The following SLC24A2 variants were observed in gnomAD, a reference collection of about 807,000 sequenced individuals.
The protein encoded by SLC24A2 is sodium/potassium/calcium exchanger 2.
SLC24A2 carries 36 observed loss-of-function variants against 62.0 expected under a neutral mutation model. The observed-to-expected ratio is 0.58, with a 90% confidence interval of 0.44 to 0.77. SLC24A2 has a LOEUF of 0.77. SLC24A2 is among the 30% of genes least tolerant of loss of function. The pLI is 0.00. For missense variants in SLC24A2, 846 were observed against 817.9 expected (o/e 1.03, Z -0.42); for synonymous variants, 358 against 294.0 (o/e 1.22, Z -2.23).
the SLC24A2 span, among the ~76,000 whole-genome samples, chr9:20,282,688 A>G: frequency 3.3e-5 from 5 of 152,362 alleles, no homozygotes; most frequent in East Asian, 9.6e-4. Context: ...GTATAAAGAA[A>G]TGATTTTATA....
the SLC24A2 span, among the ~76,000 whole-genome samples, chr9:20,140,753 C>A: frequency 6.6e-6 from 1 of 152,156 alleles, no homozygotes; most frequent in Non-Finnish European, 1.5e-5. Flanking sequence ...CCCCCCACTT[C>A]TCTCAAAAGG....
chr9:20,181,167 T>C, the SLC24A2 span, among the ~76,000 whole-genome samples: 1 of 151,998 alleles, frequency 6.6e-6, no homozygotes, highest in Non-Finnish European at 1.5e-5. Flanking sequence ...TAGTCTCAAG[T>C]TCAAATCCTA....
the SLC24A2 span, among the ~76,000 whole-genome samples, chr9:19,816,078 T>A: frequency 6.6e-6 from 1 of 151,570 alleles, no homozygotes; most frequent in African/African-American, 2.4e-5. Context: ...ACAATCATGC[T>A]GATTTCTTTT....
chr9:20,197,131 G>A, the SLC24A2 span, among the ~76,000 whole-genome samples: 1 of 152,114 alleles, frequency 6.6e-6, no homozygotes, highest in Non-Finnish European at 1.5e-5. Context: ...ATACTGGAAT[G>A]AAGATCTCAT....
At chr9:19,864,050 G>A in the SLC24A2 span, among the ~76,000 whole-genome samples, 1 of 151,812 alleles carries the variant, frequency 6.6e-6, no homozygotes, top group Non-Finnish European at 1.5e-5. Context: ...GCTACTATGA[G>A]CAACTACATG....
intron 2 of SLC24A2, among the ~76,000 whole-genome samples, chr9:19,736,867 A>G (rs1157895068): frequency 6.6e-6 from 1 of 152,108 alleles, no homozygotes; most frequent in African/African-American, 2.4e-5. Flanking sequence ...AAATAATCTT[A>G]TACCATGCAA....
chr9:19,633,801 A>C (rs1184285039), intron 2 of SLC24A2, among the ~76,000 whole-genome samples: 1 of 151,992 alleles, frequency 6.6e-6, no homozygotes. Flanking sequence ...TGTTTCCTTA[A>C]TGTTATGTTT....
At chr9:20,166,150 A>C in the SLC24A2 span, among the ~76,000 whole-genome samples, 7 of 151,976 alleles carry the variant, frequency 4.6e-5, no homozygotes, top group Admixed American at 4.6e-4. Flanking sequence ...AGCTCTGGGG[A>C]AACAAGCACA....
the SLC24A2 span, among the ~76,000 whole-genome samples, chr9:19,891,517 G>C: frequency 6.6e-6 from 1 of 152,168 alleles, no homozygotes; most frequent in Non-Finnish European, 1.5e-5. Flanking sequence ...AGACGGTGAA[G>C]GGGGAGAAAG....
the SLC24A2 span, among the ~76,000 whole-genome samples, chr9:19,987,041 C>A: frequency 6.6e-6 from 1 of 152,004 alleles, no homozygotes; most frequent in East Asian, 1.9e-4. Context: ...AGAAGCAGAA[C>A]AGGAGAATGG....
chr9:19,607,654 G>A (rs1837027797), intron 4 of SLC24A2, among the ~76,000 whole-genome samples: 1 of 149,986 alleles, frequency 6.7e-6, no homozygotes, highest in South Asian at 2.1e-4. Context: ...GGGAGGTGGA[G>A]GTGGCAGTGA....
chr9:19,747,083 G>A (rs988284263), intron 2 of SLC24A2, among the ~76,000 whole-genome samples: 6 of 151,910 alleles, frequency 3.9e-5, no homozygotes, highest in African/African-American at 1.5e-4. Flanking sequence ...CACTCAAAAT[G>A]GCATACAGAA....
chr9:19,928,621 C>T, the SLC24A2 span: 4 of 152,190 alleles, frequency 2.6e-5, no homozygotes, highest in African/African-American at 7.2e-5. Context: ...ATAATAATTA[C>T]AATCATCAAA....
the SLC24A2 span, among the ~76,000 whole-genome samples, chr9:20,176,305 C>G: frequency 2.6e-5 from 4 of 151,868 alleles, no homozygotes; most frequent in Non-Finnish European, 5.9e-5. Context: ...TGGAAAAGGT[C>G]AAATGATTTA....
the SLC24A2 span, among the ~76,000 whole-genome samples, chr9:20,193,764 G>T: frequency 6.6e-6 from 1 of 152,110 alleles, no homozygotes; most frequent in Non-Finnish European, 1.5e-5. Context: ...AATATTCTGT[G>T]TATCTACTGA....
chr9:19,573,860 C>T (rs186779357), intron 6 of SLC24A2, among the ~76,000 whole-genome samples: 1 of 152,274 alleles, frequency 6.6e-6, no homozygotes, highest in African/African-American at 2.4e-5. Flanking sequence ...TGAACATAGA[C>T]ATTTTAAAAC....
chr9:19,857,714 G>A, the SLC24A2 span, among the ~76,000 whole-genome samples: 26 of 151,006 alleles, frequency 1.7e-4, no homozygotes, highest in Non-Finnish European at 3.5e-4. Flanking sequence ...TCTGTATCCT[G>A]AAACCTTGCT....
chr9:20,116,009 A>G, the SLC24A2 span, among the ~76,000 whole-genome samples: 1 of 152,162 alleles, frequency 6.6e-6, no homozygotes, highest in East Asian at 1.9e-4. Context: ...ATTAAACACA[A>G]TTCTGCCATT....
At chr9:20,241,185 A>G in the SLC24A2 span, among the ~76,000 whole-genome samples, 210 of 152,362 alleles carry the variant, frequency 1.4e-3, 1 homozygote, top group African/African-American at 4.8e-3. Context: ...TGGTGTTAAC[A>G]CTGAAGTTTT....
Sources: allele counts gnomAD v4.1 joint callset (sites outside exome capture counted in the v4.1 genomes callset), GRCh38; gene constraint gnomAD v4.1.1; transcripts MANE v1.5; gene names NCBI Gene and HGNC (gene_info 2026-07-23, HGNC 2026-07-21).